The following PGRMC2 variants were observed in gnomAD, a reference collection of about 807,000 sequenced individuals.
PGRMC2 encodes progesterone receptor membrane component 2.
PGRMC2 carries 9 observed loss-of-function variants against 19.3 expected under a neutral mutation model. The ratio of observed to expected loss-of-function variants is 0.47; its 90% CI spans 0.28 to 0.81. The LOEUF is 0.81. Among genes scored for constraint, PGRMC2 ranks in the 40% least tolerant of loss-of-function variants. The pLI is 0.11. For synonymous variants in PGRMC2, 157 were observed against 124.6 expected, an observed-to-expected ratio of 1.26 and a Z score of -1.73; for missense variants, 289 against 297.3, an observed-to-expected ratio of 0.97 and a Z score of 0.21.
intron 1 of PGRMC2, among the ~76,000 whole-genome samples, chr4:128,280,421 TAAAATC>T (rs1760891809): frequency 1.9e-5 from 2 of 107,826 alleles, no homozygotes; most frequent in African/African-American, 7.3e-5. Flanking sequence ...ACATGGTAAA[TAAAATC>T]AAATCCATAC....
intron 1 of PGRMC2, among the ~76,000 whole-genome samples, chr4:128,283,032 G>C (rs1760932160): frequency 6.6e-6 from 1 of 152,178 alleles, no homozygotes; most frequent in Admixed American, 6.5e-5. Flanking sequence ...CAGCAGTATT[G>C]CAAGGTTCAA....
rs1760709379 is a variant in PGRMC2, at chr4:128,270,409, GTA to G, written c.*905_*906del. The G allele has an allele frequency of 6.6e-6, 1 of 152,574 alleles. No homozygotes were observed. The highest frequency in any genetic ancestry group is 1.5e-5 in the Non-Finnish European group (1 of 68,022). The allele number at this position is 152,574 out of a possible 1,614,324, so 9.5% of individuals were successfully genotyped here. ...CCATTACAATGCTAATTGAGTTTGT[GTA>G]TATTACATATATGGCAGTTAACACT... On this transcript the variant is annotated 3_prime_UTR_variant, in exon 3 of 3. Coordinates refer to ENST00000296425, the MANE Select transcript of PGRMC2 (RefSeq NM_006320.6).
chr4:128,285,314 A>C (rs142235575), intron 1 of PGRMC2, among the ~76,000 whole-genome samples: 2 of 152,214 alleles, frequency 1.3e-5, no homozygotes, highest in Admixed American at 1.3e-4. Flanking sequence ...TTTTTAGTAG[A>C]GACGAGGTTT....
chr4:128,287,785 C>A lies in PGRMC2; in HGVS notation c.6G>T (p.Ala2=), dbSNP rs1331304967. Reference sequence around the variant, plus strand: ...CTAGCTTCACGTCCCCATCACCAGCCGCCATCACTGCCCGCCAGCGCCTTC... The same window carrying A: ...CTAGCTTCACGTCCCCATCACCAGCAGCCATCACTGCCCGCCAGCGCCTTC... M[A]AGDGDVKLGT... Residue 2 remains alanine, a synonymous_variant, in exon 1 of 3, where the codon GCG becomes GCT. Transcript: ENST00000296425. 2.0e-6 allele frequency: 3 copies of A among 1,486,778 alleles called. No homozygotes were observed. The highest frequency in any genetic ancestry group is 1.8e-6 in the Non-Finnish European group (2 of 1,086,344). 92.1% of individuals were successfully genotyped at this position (1,486,778 alleles called of 1,614,324 possible). A position where few individuals can be genotyped will look rare whatever the true frequency, so the allele number is the denominator to read the frequency against.
chr4:128,272,684 TAAGAA>T (rs1203475492), intron 1 of PGRMC2, 167 bp from the exon 2 acceptor site: 3 of 406,724 alleles, frequency 7.4e-6, no homozygotes, highest in Non-Finnish European at 8.4e-6. Context: ...CTAGATGGAA[TAAGAA>T]AAGAAATTTG....
intron 1 of PGRMC2, among the ~76,000 whole-genome samples, chr4:128,275,360 G>C (rs965365278): frequency 6.6e-6 from 1 of 152,072 alleles, no homozygotes; most frequent in Non-Finnish European, 1.5e-5. Context: ...ATATATACCA[G>C]TGCATTCTCT....
chr4:128,287,722 G>T lies in PGRMC2; in HGVS notation c.69C>A (p.Gly23=), dbSNP rs1417239749. The change falls in exon 1 of 3, where the codon GGC becomes GGA. Residue 23 remains glycine (G), a synonymous_variant. Transcript: ENST00000296425. Reference sequence around the variant, plus strand: ...CCGCGTCGCCTGGACTCTCGCTGCCGCCGTCGTTGCTGCTCTCGCTGCCAC... The same window carrying T: ...CCGCGTCGCCTGGACTCTCGCTGCCTCCGTCGTTGCTGCTCTCGCTGCCAC... ...LGSGSESSND[G]GSESPGDAGA... is the part of the protein sequence containing the mutation. 11 of 1,490,536 alleles carry T rather than the reference G, an allele frequency of 7.4e-6. No homozygotes were observed. Among genetic ancestry groups the T allele is most frequent in the Non-Finnish European group, 1.0e-5 (11 of 1,101,452 alleles). The allele number at this position is 1,490,536 out of a possible 1,614,324, so 92.3% of individuals were successfully genotyped here. A position where few individuals can be genotyped will look rare whatever the true frequency, so the allele number is the denominator to read the frequency against.
intron 1 of PGRMC2, among the ~76,000 whole-genome samples, chr4:128,280,124 T>C (rs1392177153): frequency 6.6e-6 from 1 of 151,660 alleles, no homozygotes; most frequent in Non-Finnish European, 1.5e-5. Context: ...ATAAAAAATA[T>C]AAACTACATG....
chr4:128,284,641 T>C (rs942967611), intron 1 of PGRMC2, among the ~76,000 whole-genome samples: 3 of 152,256 alleles, frequency 2.0e-5, no homozygotes, highest in Admixed American at 6.5e-5. Flanking sequence ...TTTAGCATTA[T>C]GGAAAAATCT....
chr4:128,287,487 C>T lies in PGRMC2; in HGVS notation c.304G>A (p.Asp102Asn). The T allele has an allele frequency of 1.2e-6, 2 of 1,613,600 alleles. No homozygotes were observed. Among genetic ancestry groups the T allele is most frequent in the Non-Finnish European group, 1.7e-6 (2 of 1,179,752 alleles). The change falls in exon 1 of 3, where the codon GAC becomes AAC. Residue 102 changes from aspartate (D) to asparagine (N), a missense_variant. Physicochemically the swap from Asp to Asn is conservative, Grantham distance 23. Coordinates refer to ENST00000296425, the MANE Select transcript of PGRMC2 (RefSeq NM_006320.6). ...TGGCGCAGCTGCTCCAAGCTGAAGTCCCGCTTCTTCATGCGAGGCAGAGAG... is the reference window on the plus strand; with the variant it reads ...TGGCGCAGCTGCTCCAAGCTGAAGTTCCGCTTCTTCATGCGAGGCAGAGAG... ...ATSLPRMKKRDFSLEQLRQYD... is the reference protein window; with the variant it reads ...ATSLPRMKKRNFSLEQLRQYD...
At chr4:128,284,667 T>C (rs1334650376) in intron 1 of PGRMC2, among the ~76,000 whole-genome samples, 2 of 152,206 alleles carry the variant, frequency 1.3e-5, no homozygotes, top group Non-Finnish European at 2.9e-5. Flanking sequence ...AATTTAATCC[T>C]AAAACCATTA....
At chr4:128,275,388 C>A (rs975729065) in intron 1 of PGRMC2, among the ~76,000 whole-genome samples, 4 of 152,130 alleles carry the variant, frequency 2.6e-5, no homozygotes, top group African/African-American at 4.8e-5. Context: ...TCTCTACCAA[C>A]TTCCCTAAGA....
intron 1 of PGRMC2, among the ~76,000 whole-genome samples, chr4:128,282,073 T>A (rs373164901): frequency 2.0e-5 from 3 of 152,284 alleles, no homozygotes; most frequent in East Asian, 3.9e-4. Flanking sequence ...TATAATTACA[T>A]ACTGAAATCC....
chr4:128,270,331 G>A lies in PGRMC2; in HGVS notation c.*985C>T, dbSNP rs1427112200. The A allele has an allele frequency of 1.3e-5, 2 of 152,558 alleles. No homozygotes were observed. The highest frequency in any genetic ancestry group is 6.6e-5 in the Admixed American group (1 of 15,264). The allele number at this position is 152,558 out of a possible 1,614,324, so 9.5% of individuals were successfully genotyped here. On this transcript the variant is annotated 3_prime_UTR_variant, in exon 3 of 3. Coordinates refer to ENST00000296425, the MANE Select transcript of PGRMC2 (RefSeq NM_006320.6). ...TAGGCAGCTGTTGGGGATAAGAGTTGATTTGTTTTTCAATTTTTTTGAAAA... is the reference window on the plus strand; with the variant it reads ...TAGGCAGCTGTTGGGGATAAGAGTTAATTTGTTTTTCAATTTTTTTGAAAA...
At chr4:128,277,558 TTTAA>T (rs1278706456) in intron 1 of PGRMC2, among the ~76,000 whole-genome samples, 9 of 152,344 alleles carry the variant, frequency 5.9e-5, no homozygotes, top group East Asian at 1.9e-4. Context: ...AGAGATGAAC[TTTAA>T]TTAATTAAAG....
intron 1 of PGRMC2, among the ~76,000 whole-genome samples, chr4:128,281,381 T>G (rs1760908544): frequency 6.6e-6 from 1 of 152,180 alleles, no homozygotes; most frequent in African/African-American, 2.4e-5. Flanking sequence ...TTGGCTAAAA[T>G]TCTTATATTG....
At chr4:128,278,934 C>T (rs1322361036) in intron 1 of PGRMC2, among the ~76,000 whole-genome samples, 2 of 152,128 alleles carry the variant, frequency 1.3e-5, no homozygotes, top group African/African-American at 4.8e-5. Flanking sequence ...CAGGGCTGGG[C>T]GCAGTGGCTC....
At chr4:128,273,798 T>G (rs775122888) in intron 1 of PGRMC2, among the ~76,000 whole-genome samples, 4 of 152,224 alleles carry the variant, frequency 2.6e-5, no homozygotes, top group Admixed American at 1.3e-4. Context: ...TTAATTTGAG[T>G]TGCTAACAGC....
At chr4:128,271,678 G>C (rs1442677542) in intron 2 of PGRMC2, among the ~76,000 whole-genome samples, 1 of 152,188 alleles carries the variant, frequency 6.6e-6, no homozygotes, top group Non-Finnish European at 1.5e-5. Flanking sequence ...GTTGGATACT[G>C]CATCAGAATC....
Sources: gnomAD v4.1 joint callset for allele counts (sites outside exome capture counted in the v4.1 genomes callset) on GRCh38, gnomAD v4.1.1 for gene constraint, MANE v1.5 for transcripts, NCBI Gene and HGNC (gene_info 2026-07-23, HGNC 2026-07-21) for gene names.